Variants in CCBE1 observed in about 807,000 individuals in gnomAD.
CCBE1 encodes collagen and calcium binding EGF domains 1.
In CCBE1, 37 loss-of-function variants were observed where a neutral mutation model predicts 50.0. The observed-to-expected ratio is 0.74, with a 90% CI of 0.57 to 0.97. The LOEUF (loss-of-function observed/expected upper bound fraction) is 0.97, where lower values mean the gene tolerates loss of function less well. Among genes scored for constraint, CCBE1 ranks in the 50% least tolerant of loss-of-function variants. The probability of loss-of-function intolerance (pLI) is 0.00; values close to 1 mark genes in which losing one functional copy is unlikely to be tolerated. For missense variants in CCBE1, 538 were observed against 523.8 expected, an observed-to-expected ratio of 1.03 and a Z score of -0.26; for synonymous variants, 234 against 203.7, an observed-to-expected ratio of 1.15 and a Z score of -1.27.
chr18:59,453,417 G>A (rs1404057995), intron 6 of CCBE1, among the ~76,000 whole-genome samples: 1 of 152,174 alleles, frequency 6.6e-6, no homozygotes, highest in South Asian at 2.1e-4. Context: ...GATAGACAAG[G>A]TTTTCTGCCT....
intron 2 of CCBE1, among the ~76,000 whole-genome samples, chr18:59,575,239 T>C (rs2052976735): frequency 6.6e-6 from 1 of 152,096 alleles, no homozygotes; most frequent in South Asian, 2.1e-4. Context: ...AGCCAGCCAG[T>C]TGGTGGCACT....
intron 3 of CCBE1, among the ~76,000 whole-genome samples, chr18:59,473,951 T>C (rs950131440): frequency 4.0e-5 from 6 of 151,238 alleles, no homozygotes; most frequent in Non-Finnish European, 8.8e-5. Context: ...GTGTGCACAA[T>C]GTTTAGCTCC....
At chr18:59,534,661 T>TG (rs1180409428) in intron 2 of CCBE1, among the ~76,000 whole-genome samples, 3 of 152,128 alleles carry the variant, frequency 2.0e-5, no homozygotes, top group African/African-American at 7.2e-5. Context: ...ACTCTGGAGG[T>TG]GGGGCCAGCA....
intron 2 of CCBE1, among the ~76,000 whole-genome samples, chr18:59,551,062 A>G (rs1036239300): frequency 6.6e-6 from 1 of 151,286 alleles, no homozygotes; most frequent in African/African-American, 2.4e-5. Context: ...AAGAAAAAAG[A>G]AAAATAAAAA....
At chr18:59,436,296 T>TC (rs1910156391) in intron 10 of CCBE1, among the ~76,000 whole-genome samples, 155 bp from the exon 11 acceptor site, 1 of 150,112 alleles carries the variant, frequency 6.7e-6, no homozygotes, top group African/African-American at 2.5e-5. Context: ...AGCCTGGGGG[T>TC]CCTCCATATT....
chr18:59,505,710 G>A (rs914899472), intron 2 of CCBE1, among the ~76,000 whole-genome samples: 4 of 152,148 alleles, frequency 2.6e-5, no homozygotes, highest in African/African-American at 7.2e-5. Context: ...AGAAATTTAG[G>A]CTAAAGAGCT....
intron 2 of CCBE1, among the ~76,000 whole-genome samples, chr18:59,585,975 A>G (rs1371918625): frequency 1.3e-5 from 2 of 152,234 alleles, no homozygotes; most frequent in Non-Finnish European, 2.9e-5. Context: ...AAAATTTGCT[A>G]CAAAGTTCAG....
Position 59,509,675 on chromosome 18 carries a change from T to A in CCBE1, c.213-29437A>T, listed in dbSNP as rs576579865. ...CAGCACACCACATAAAAGAAGAACT[T>A]CAGTGCCCGGTGGAAACAAGCCATC... On this transcript the variant is annotated intron_variant, in intron 2 of 10. Transcript: ENST00000439986. Among the ~76,000 whole-genome samples the A allele has an allele frequency of 6.3e-3, 952 of 152,228 alleles. 4 individuals are homozygous for A. The highest frequency in any genetic ancestry group is 8.9e-3 in the Non-Finnish European group (604 of 68,016).
Position 59,431,177 on chromosome 18 carries a change from A to G in CCBE1, c.*4731T>C, listed in dbSNP as rs1435006280. On this transcript the variant is annotated 3_prime_UTR_variant, in exon 11 of 11. Coordinates refer to ENST00000439986, the MANE Select transcript of CCBE1 (RefSeq NM_133459.4). ...CTGGGGAGTAAGAGGGTCCTTTTCT[A>G]TGATTTCCCTAGAGCAGTAACGTTT... The G allele has an allele frequency of 6.6e-6, 1 of 152,224 alleles. No homozygotes were observed. The highest frequency in any genetic ancestry group is 1.5e-5 in the Non-Finnish European group (1 of 68,042). The allele number at this position is 152,224 out of a possible 1,614,324, so 9.4% of individuals were successfully genotyped here.
Position 59,589,111 on chromosome 18 carries a change from C to A in CCBE1, c.212+107518G>T, listed in dbSNP as rs540661097. Reference sequence around the variant, plus strand: ...CCTTCCAGGAAGGTCTGGAACTCAACCCTTGGGGATCCCTGTGGACAGGGA... The same window carrying A: ...CCTTCCAGGAAGGTCTGGAACTCAAACCTTGGGGATCCCTGTGGACAGGGA... On this transcript the variant is annotated intron_variant, in intron 2 of 10. Transcript: ENST00000439986. Among the ~76,000 whole-genome samples, 3 of 152,292 alleles carry A rather than the reference C, an allele frequency of 2.0e-5. No individual in the cohort carries two copies. The East Asian group carries it at 5.8e-4, about 29-fold the overall frequency.
intron 2 of CCBE1, among the ~76,000 whole-genome samples, chr18:59,488,876 T>TC (rs1237921253): frequency 3.3e-5 from 5 of 151,720 alleles, no homozygotes; most frequent in African/African-American, 1.2e-4. Flanking sequence ...CTGTTGTGTC[T>TC]CCCCCACCGA....
chr18:59,691,498 C>A (rs1314869680), intron 2 of CCBE1, among the ~76,000 whole-genome samples: 1 of 152,196 alleles, frequency 6.6e-6, no homozygotes, highest in Non-Finnish European at 1.5e-5. Context: ...CTCCGCCTCC[C>A]AGGTTCAAGT....
At chr18:59,618,913 G>A (rs576190121) in intron 2 of CCBE1, among the ~76,000 whole-genome samples, 2 of 152,270 alleles carry the variant, frequency 1.3e-5, no homozygotes, top group East Asian at 3.9e-4. Flanking sequence ...GTGTATAGTG[G>A]AGAGAGAATA....
intron 2 of CCBE1, among the ~76,000 whole-genome samples, chr18:59,571,253 T>TA (rs1175944011): frequency 6.6e-6 from 1 of 152,152 alleles, no homozygotes; most frequent in Admixed American, 6.6e-5. Context: ...TTCTTGCTTT[T>TA]AAAAAAATTA....
At chr18:59,482,784 A>G (rs1056216794) in intron 2 of CCBE1, among the ~76,000 whole-genome samples, 3 of 151,896 alleles carry the variant, frequency 2.0e-5, no homozygotes, top group Non-Finnish European at 2.9e-5. Context: ...CACCACTTCC[A>G]TCATCATATA....
chr18:59,513,223 G>A (rs558197511), intron 2 of CCBE1, among the ~76,000 whole-genome samples: 13 of 152,310 alleles, frequency 8.5e-5, no homozygotes, highest in African/African-American at 2.2e-4. Flanking sequence ...CATGAGAATC[G>A]CTTGAACCGG....
At chr18:59,576,261 A>G (rs1599028075) in intron 2 of CCBE1, among the ~76,000 whole-genome samples, 1 of 152,170 alleles carries the variant, frequency 6.6e-6, no homozygotes, top group Non-Finnish European at 1.5e-5. Context: ...TGTGTGAACA[A>G]ATGTTTTCAT....
Position 59,617,487 on chromosome 18 carries a change from C to T in CCBE1, c.212+79142G>A, listed in dbSNP as rs192582865. On this transcript the variant is annotated intron_variant, in intron 2 of 10. Transcript: ENST00000439986. The stretch of plus-strand genomic sequence containing the variant: ...GAAATGTGAGAAAGGTGGCTTTAAT[C>T]AAAATGGAGAGAAATTGCAGTTTTC... Among the ~76,000 whole-genome samples, 5 of 152,278 alleles carry T rather than the reference C, an allele frequency of 3.3e-5. 1 individual carries two copies. In the East Asian group the frequency reaches 9.6e-4, roughly 29 times the overall value.
At chr18:59,514,675 C>A (rs1190984701) in intron 2 of CCBE1, among the ~76,000 whole-genome samples, 1 of 124,966 alleles carries the variant, frequency 8.0e-6, no homozygotes, top group South Asian at 2.8e-4. Context: ...GGCTACAATT[C>A]TAATCTAAGC....
Sources: gnomAD v4.1 joint callset for allele counts (sites outside exome capture counted in the v4.1 genomes callset) on GRCh38, gnomAD v4.1.1 for gene constraint, MANE v1.5 for transcripts, NCBI Gene and HGNC (gene_info 2026-07-23, HGNC 2026-07-21) for gene names.